The following OCLN variants were observed in gnomAD, a reference collection of about 807,000 sequenced individuals.
The protein encoded by OCLN is phosphatase 1, regulatory subunit 115.
Under a neutral mutation model 47.9 loss-of-function variants are expected in OCLN, and 21 were observed. The observed-to-expected ratio is 0.44, with a 90% CI of 0.31 to 0.63. The LOEUF (loss-of-function observed/expected upper bound fraction) is 0.63. OCLN is among the 30% of genes least tolerant of loss of function. The pLI, the probability that OCLN is intolerant of heterozygous loss-of-function variation, is 0.08. For missense variants in OCLN, 360 were observed against 571.0 expected (o/e 0.63, Z 3.77); for synonymous variants, 117 against 198.4 (o/e 0.59, Z 3.45).
chr5:69,533,411 G>C (rs1163212511), intron 4 of OCLN, among the ~76,000 whole-genome samples: 1 of 152,094 alleles, frequency 6.6e-6, no homozygotes, highest in Non-Finnish European at 1.5e-5. Flanking sequence ...AAACAAAGTT[G>C]TTCATCAGGA....
At chr5:69,510,056 AC>A (rs149061345) in intron 3 of OCLN, among the ~76,000 whole-genome samples, 78 of 152,324 alleles carry the variant, frequency 5.1e-4, no homozygotes, top group African/African-American at 1.8e-3. Flanking sequence ...TGCCACCATC[AC>A]CACAATCAAT....
At chr5:69,517,799 T>C (rs34962033) in intron 4 of OCLN, among the ~76,000 whole-genome samples, 98,950 of 151,286 alleles carry the variant, frequency 0.65, 33,637 homozygotes, top group Non-Finnish European at 0.76. Context: ...GTTTTTTTTT[T>C]CCCTCACTTT....
At chr5:69,513,887 G>C (rs1036744568) in intron 3 of OCLN, 61 bp from the exon 4 acceptor site, 1 of 1,356,716 alleles carries the variant, frequency 7.4e-7, no homozygotes, top group Admixed American at 1.7e-5. Flanking sequence ...AATATGTAGA[G>C]GGTGAATTGT....
chr5:69,508,347 T>G (rs182468214), intron 2 of OCLN, among the ~76,000 whole-genome samples: 132 of 152,166 alleles, frequency 8.7e-4, no homozygotes, highest in Middle Eastern at 3.4e-3. Flanking sequence ...CTAGCCACAT[T>G]TCTTTTTTTT....
intron 4 of OCLN, among the ~76,000 whole-genome samples, chr5:69,530,930 C>T (rs1200516222): frequency 1.3e-5 from 2 of 152,156 alleles, no homozygotes; most frequent in Non-Finnish European, 2.9e-5. Flanking sequence ...TTGGGGCTCC[C>T]GATTTGTGCC....
chr5:69,493,520 C>A lies in OCLN; in HGVS notation c.-69+620C>A, dbSNP rs1321920800. Among the ~76,000 whole-genome samples the A allele has an allele frequency of 2.6e-5, 4 of 152,118 alleles. No homozygotes were observed. Among genetic ancestry groups the A allele is most frequent in the Admixed American group, 1.3e-4 (2 of 15,286 alleles). ...TCCACTTGTTGCGAGTTGTGTGAAC[C>A]CGCGTCGATTTAAGCTGGGGGGCGG... On this transcript the variant is annotated intron_variant, in intron 1 of 8. Transcript: ENST00000396442. This position sits in a 1 kb window ranked among gnomAD's most constrained non-coding sequence, Gnocchi z 5.3.
Position 69,509,206 on chromosome 5 carries a change from T to G in OCLN, c.116T>G (p.Leu39Arg), listed in dbSNP as rs750291439. 6.2e-7 allele frequency: 1 copy of G among 1,614,126 alleles called. No individual in the cohort carries two copies. Residue 39 changes from leucine (L) to arginine (R), a missense_variant, in exon 3 of 9, where the codon CTC (leucine) becomes CGC (arginine). By Grantham distance (102) the Leu-to-Arg change is moderately radical (BLOSUM62 -2). This residue lies in a region of OCLN where 314 missense variants were observed against 368.1 expected (regional missense o/e 0.85). Coordinates refer to ENST00000396442, the MANE Select transcript of OCLN (RefSeq NM_001205254.2). ...GGAGAGATGCATGTTCGACCAATGCTCTCTCAGCCAGCCTACTCTTTTTAC... is the reference window on the plus strand; with the variant it reads ...GGAGAGATGCATGTTCGACCAATGCGCTCTCAGCCAGCCTACTCTTTTTAC... ...YGGEMHVRPM[L>R]SQPAYSFYPE...
At chr5:69,515,761 G>A (rs1768941816) in intron 4 of OCLN, among the ~76,000 whole-genome samples, 1 of 147,334 alleles carries the variant, frequency 6.8e-6, no homozygotes, top group Non-Finnish European at 1.5e-5. Flanking sequence ...CCAGGCGGAG[G>A]GTCTCCTCAC....
At chr5:69,527,920 C>T (rs1191629817) in intron 4 of OCLN, among the ~76,000 whole-genome samples, 1 of 152,060 alleles carries the variant, frequency 6.6e-6, no homozygotes, top group Non-Finnish European at 1.5e-5. Flanking sequence ...TTATAGTTCT[C>T]ATTGGTCTAT....
At chr5:69,492,663 G>A (rs1322685305), upstream of OCLN, 1 of 152,460 alleles carries the variant, frequency 6.6e-6, no homozygotes, top group East Asian at 1.9e-4. Flanking sequence ...GCAGCAGGTG[G>A]GACTCGCGGC....
intron 2 of OCLN, among the ~76,000 whole-genome samples, chr5:69,505,739 C>T (rs1580549560): frequency 6.6e-6 from 1 of 152,260 alleles, no homozygotes; most frequent in African/African-American, 2.4e-5. Flanking sequence ...AAGTAGTTTG[C>T]AGCTTTAACC....
intron 3 of OCLN, among the ~76,000 whole-genome samples, chr5:69,511,799 C>T (rs945435321): frequency 2.0e-5 from 3 of 152,008 alleles, no homozygotes; most frequent in Non-Finnish European, 4.4e-5. Context: ...CCAAGGTGGG[C>T]GGATCACCTG....
At chr5:69,513,836 C>T in intron 3 of OCLN, 112 bp from the exon 4 acceptor site, 1 of 910,790 alleles carries the variant, frequency 1.1e-6, no homozygotes, top group Non-Finnish European at 1.8e-6. Context: ...AATTAAACCA[C>T]ATGGATTTAG....
At chr5:69,495,330 T>A (rs888582375) in intron 1 of OCLN, among the ~76,000 whole-genome samples, 2 of 152,168 alleles carry the variant, frequency 1.3e-5, no homozygotes, top group African/African-American at 2.4e-5. Flanking sequence ...GTGGTATGAA[T>A]CACTTAGGGA....
chr5:69,504,139 C>T, intron 1 of OCLN, 38 bp from the exon 2 acceptor site: 2 of 801,580 alleles, frequency 2.5e-6, no homozygotes. Context: ...AAACTGTGAG[C>T]TTAGTAGTAA....
At chr5:69,503,074 G>T (rs1768503723) in intron 1 of OCLN, among the ~76,000 whole-genome samples, 1 of 152,184 alleles carries the variant, frequency 6.6e-6, no homozygotes, top group Admixed American at 6.5e-5. Flanking sequence ...ACCATGGAGG[G>T]TCGTTTTGAG....
At chr5:69,520,365 A>C (rs1769100653) in intron 4 of OCLN, among the ~76,000 whole-genome samples, 1 of 148,126 alleles carries the variant, frequency 6.8e-6, no homozygotes, top group African/African-American at 2.5e-5. Flanking sequence ...CAGTGGCACT[A>C]TCTCGGCTCA....
chr5:69,512,023 CAAAAAAAAA>C (rs758425657), intron 3 of OCLN, among the ~76,000 whole-genome samples: 1 of 33,896 alleles, frequency 3.0e-5, no homozygotes, highest in African/African-American at 1.3e-4. Context: ...AACTCTGTCT[CAAAAAAAAA>C]AAAAAAAAAA....
chr5:69,525,942 C>T (rs923946742), intron 4 of OCLN, among the ~76,000 whole-genome samples: 5 of 152,064 alleles, frequency 3.3e-5, no homozygotes, highest in African/African-American at 4.8e-5. Context: ...ACCTTCTCAC[C>T]GTTTTTCTAG....
Sources: gnomAD v4.1 joint callset for allele counts (sites outside exome capture counted in the v4.1 genomes callset) on GRCh38, gnomAD v4.1.1 for gene constraint, gnomAD v4.1.1 regional missense constraint, Gnocchi (gnomAD v3.1) non-coding constraint, MANE v1.5 for transcripts, NCBI Gene and HGNC (gene_info 2026-07-23, HGNC 2026-07-21) for gene names.